HHIP: variants seen among roughly 807,000 people sequenced by gnomAD.
HHIP encodes hedgehog interacting protein, also known as hedgehog-interacting protein.
In HHIP, 12 loss-of-function variants were observed where a neutral mutation model predicts 74.0. The ratio of observed to expected loss-of-function variants is 0.16; its 90% CI spans 0.10 to 0.26. The LOEUF (loss-of-function observed/expected upper bound fraction) is 0.26, where lower values mean the gene tolerates loss of function less well. Ranked by LOEUF, HHIP falls within the 10% of genes least tolerant of loss-of-function variation. HHIP has a pLI of 1.00. For missense variants in HHIP, 788 were observed against 845.0 expected (o/e 0.93, Z 0.84); for synonymous variants, 309 against 311.6 (o/e 0.99, Z 0.09).
At position 144,706,523 on chromosome 4, in the gene HHIP, G is replaced by A; in HGVS notation, c.832-8G>A. 1.9e-6 allele frequency: 3 copies of A among 1,590,394 alleles called. No individual in the cohort carries two copies. Among genetic ancestry groups the A allele is most frequent in the Non-Finnish European group, 1.7e-6 (2 of 1,170,546 alleles). ...TTACAATTCTTTGTGTTTTTCATTT[G>A]ACTGCAGGGAGGAGATGAAAGAGGA... On this transcript the variant is annotated splice_region_variant and splice_polypyrimidine_tract_variant and intron_variant, in intron 4 of 12. Transcript: ENST00000296575.
At chr4:144,676,401 C>G (rs1404383556) in intron 4 of HHIP, among the ~76,000 whole-genome samples, 1 of 152,162 alleles carries the variant, frequency 6.6e-6, no homozygotes, top group Non-Finnish European at 1.5e-5. Context: ...ATGTACATTT[C>G]TACTTAGATA....
chr4:144,701,315 GT>G (rs1220757803), intron 4 of HHIP, among the ~76,000 whole-genome samples: 1 of 118,476 alleles, frequency 8.4e-6, no homozygotes, highest in Non-Finnish European at 1.7e-5. Context: ...TAATTAAGCT[GT>G]TTTTTTCTTT....
intron 4 of HHIP, among the ~76,000 whole-genome samples, chr4:144,665,363 T>C (rs1483808833): frequency 6.6e-6 from 1 of 152,178 alleles, no homozygotes; most frequent in Non-Finnish European, 1.5e-5. Context: ...TGGCCTCTTA[T>C]AAGTAAAGTT....
In HHIP at chr4:144,646,472, T is replaced by C; in HGVS notation, c.-204T>C. On this transcript the variant is annotated 5_prime_UTR_variant, in exon 1 of 13. Coordinates refer to ENST00000296575, the MANE Select transcript of HHIP (RefSeq NM_022475.3). ...CTTTATCTCGCTCCTCGGGCTCCCC[T>C]AAGGCATTGGACCCATCGCCGCGTC... The C allele has an allele frequency of 1.8e-6, 1 of 556,454 alleles. No homozygotes were observed. The highest frequency in any genetic ancestry group is 3.2e-6 in the Non-Finnish European group (1 of 314,226). The allele number at this position is 556,454 out of a possible 1,614,324, so 34.5% of individuals were successfully genotyped here.
At chr4:144,657,387 T>C (rs1186324328) in intron 2 of HHIP, among the ~76,000 whole-genome samples, 1 of 152,146 alleles carries the variant, frequency 6.6e-6, no homozygotes, top group Non-Finnish European at 1.5e-5. Context: ...ACTCAGTATG[T>C]TTATCACAAA....
intron 7 of HHIP, among the ~76,000 whole-genome samples, chr4:144,708,647 A>G (rs1439351929): frequency 1.3e-5 from 2 of 151,562 alleles, no homozygotes; most frequent in Non-Finnish European, 2.9e-5. Context: ...AGAGAGATCA[A>G]CTTTTTGATT....
chr4:144,686,072 G>A (rs1444250752), intron 4 of HHIP, among the ~76,000 whole-genome samples: 1 of 152,158 alleles, frequency 6.6e-6, no homozygotes, highest in East Asian at 1.9e-4. Context: ...ATGTGGCTTG[G>A]AGGCACAGTT....
Position 144,708,350 on chromosome 4 carries a change from C to T in HHIP, c.1301+39C>T, listed in dbSNP as rs757580584. On this transcript the variant is annotated intron_variant, in intron 7 of 12. Transcript: ENST00000296575. The stretch of plus-strand genomic sequence containing the variant: ...TCTGTCTTCTCACTGGCTTTTAAGC[C>T]AGGCGGGGATCCGAGAACTGGGAAA... 3 of 1,610,084 alleles carry T rather than the reference C, an allele frequency of 1.9e-6. No homozygotes were observed. The South Asian group carries it at 3.3e-5, about 18-fold the overall frequency.
chr4:144,670,456 A>T (rs1729002717), intron 4 of HHIP, among the ~76,000 whole-genome samples: 1 of 30,142 alleles, frequency 3.3e-5, no homozygotes, highest in African/African-American at 1.5e-4. Context: ...AGAGACTGTC[A>T]AAAAAAAAAA....
At chr4:144,729,992 C>T (rs898639622) in intron 11 of HHIP, among the ~76,000 whole-genome samples, 2 of 152,094 alleles carry the variant, frequency 1.3e-5, no homozygotes, top group Non-Finnish European at 2.9e-5. Context: ...CTCGTACCTC[C>T]GCACAGAATC....
At chr4:144,679,154 T>A (rs924723721) in intron 4 of HHIP, among the ~76,000 whole-genome samples, 2 of 152,204 alleles carry the variant, frequency 1.3e-5, no homozygotes, top group Non-Finnish European at 2.9e-5. Flanking sequence ...TTTTTTTCTA[T>A]GTTTGTTGGC....
At chr4:144,688,820 A>G (rs1207860596) in intron 4 of HHIP, among the ~76,000 whole-genome samples, 1 of 152,158 alleles carries the variant, frequency 6.6e-6, no homozygotes, top group African/African-American at 2.4e-5. Context: ...AAACTTCTCA[A>G]TTCTCCTGTG....
chr4:144,721,758 C>T (rs185907267), intron 11 of HHIP, among the ~76,000 whole-genome samples: 1 of 152,132 alleles, frequency 6.6e-6, no homozygotes, highest in Admixed American at 6.5e-5. Flanking sequence ...AAAAAATTAG[C>T]TGGGCATGGT....
chr4:144,718,936 C>T lies in HHIP; in HGVS notation c.1740C>T (p.Tyr580=), dbSNP rs1003423923. ...SMTQTHNGKL[Y]KIVDPKRPLM... ...CCCAGACTCACAATGGAAAACTCTACAAAATTGTAGATCCCAAAAGGTGAG... is the reference window on the plus strand; with the variant it reads ...CCCAGACTCACAATGGAAAACTCTATAAAATTGTAGATCCCAAAAGGTGAG... Residue 580 remains tyrosine, a synonymous_variant, in exon 11 of 13, where the codon TAC becomes TAT. Transcript: ENST00000296575. 1 of 1,603,094 alleles carries T rather than the reference C, an allele frequency of 6.2e-7. No homozygotes were observed. The highest frequency in any genetic ancestry group is 2.2e-5 in the East Asian group (1 of 44,788).
chr4:144,701,182 G>A (rs1480313930), intron 4 of HHIP, among the ~76,000 whole-genome samples: 1 of 152,098 alleles, frequency 6.6e-6, no homozygotes, highest in Non-Finnish European at 1.5e-5. Flanking sequence ...CATTAAGAGA[G>A]CAACAATTTT....
intron 1 of HHIP, chr4:144,647,163 G>C: frequency 1.9e-6 from 1 of 513,218 alleles, no homozygotes; most frequent in Middle Eastern, 5.0e-4. Flanking sequence ...CCGCGGTCGG[G>C]ATGCTGTGCA....
In HHIP at chr4:144,691,659, A is replaced by G. The variant is rs374004157; in HGVS notation, c.832-14872A>G. Among the ~76,000 whole-genome samples the G allele has an allele frequency of 2.6e-5, 4 of 152,130 alleles. No individual in the cohort carries two copies. The East Asian group carries it at 7.7e-4, about 29-fold the overall frequency. ...ATGTCTATGTATAGGATTTTTTTAC[A>G]TAAGGAAGGAGATGCCTTTTTAAAT... is the stretch of plus-strand genomic sequence containing the variant. On this transcript the variant is annotated intron_variant, in intron 4 of 12. Coordinates refer to ENST00000296575, the MANE Select transcript of HHIP (RefSeq NM_022475.3).
chr4:144,653,641 A>T (rs946926354), intron 2 of HHIP, among the ~76,000 whole-genome samples: 5 of 152,196 alleles, frequency 3.3e-5, no homozygotes, highest in African/African-American at 1.2e-4. Flanking sequence ...TCTACTGAAG[A>T]TTAAGCAGTA....
intron 10 of HHIP, 106 bp from the exon 11 acceptor site, chr4:144,718,769 T>G (rs1730542730): frequency 1.4e-6 from 1 of 732,398 alleles, no homozygotes; most frequent in African/African-American, 1.8e-5. Context: ...GTGATTTTCT[T>G]GTGGATAGAT....
Sources: gnomAD v4.1 joint callset for allele counts (sites outside exome capture counted in the v4.1 genomes callset) on GRCh38, gnomAD v4.1.1 for gene constraint, MANE v1.5 for transcripts, NCBI Gene and HGNC (gene_info 2026-07-23, HGNC 2026-07-21) for gene names.